The following PLEKHF2 variants were observed in gnomAD, a reference collection of about 807,000 sequenced individuals.
PLEKHF2 encodes pleckstrin homology and FYVE domain containing 2.
In PLEKHF2, 4 loss-of-function variants were observed where a neutral mutation model predicts 14.7. The observed-to-expected ratio is 0.27, with a 90% confidence interval of 0.13 to 0.62. The LOEUF (loss-of-function observed/expected upper bound fraction) is 0.62. Among genes scored for constraint, PLEKHF2 ranks in the 20% least tolerant of loss-of-function variants. PLEKHF2 has a pLI of 0.85. For missense variants in PLEKHF2, 201 were observed against 307.7 expected (o/e 0.65, Z 2.60); for synonymous variants, 90 against 103.5 (o/e 0.87, Z 0.79).
intron 1 of PLEKHF2, among the ~76,000 whole-genome samples, chr8:95,139,608 G>C (rs187298015): frequency 6.6e-6 from 1 of 152,164 alleles, no homozygotes; most frequent in African/African-American, 2.4e-5. Context: ...TTTCTTTTAT[G>C]ATGGCTTTTT....
intron 1 of PLEKHF2, among the ~76,000 whole-genome samples, chr8:95,138,454 C>A (rs1389622293): frequency 7.2e-6 from 1 of 138,616 alleles, no homozygotes; most frequent in African/African-American, 2.7e-5. Context: ...TTTTTGTGTT[C>A]TTTGCTCACA....
At chr8:95,138,113 C>G (rs1810396728) in intron 1 of PLEKHF2, among the ~76,000 whole-genome samples, 1 of 152,112 alleles carries the variant, frequency 6.6e-6, no homozygotes, top group Non-Finnish European at 1.5e-5. Context: ...ACACTCTCCC[C>G]CAAAGTCACG....
chr8:95,137,016 G>T (rs1382525991), intron 1 of PLEKHF2, among the ~76,000 whole-genome samples: 1 of 152,218 alleles, frequency 6.6e-6, no homozygotes, highest in Non-Finnish European at 1.5e-5. Context: ...CCTGAGAAGA[G>T]AATAAAAGGC....
intron 1 of PLEKHF2, among the ~76,000 whole-genome samples, chr8:95,144,785 G>A: frequency 1.3e-5 from 2 of 150,702 alleles, no homozygotes; most frequent in East Asian, 3.9e-4. Flanking sequence ...AATTGCTTGA[G>A]CTCGGGAGGC....
intron 1 of PLEKHF2, among the ~76,000 whole-genome samples, chr8:95,137,769 A>AC (rs1810391829): frequency 6.6e-6 from 1 of 152,148 alleles, no homozygotes; most frequent in South Asian, 2.1e-4. Flanking sequence ...AACTCCGGTG[A>AC]CCCCCACTGC....
intron 1 of PLEKHF2, among the ~76,000 whole-genome samples, chr8:95,141,725 A>G (rs1489236419): frequency 1.4e-5 from 2 of 139,842 alleles, no homozygotes; most frequent in South Asian, 2.2e-4. Flanking sequence ...TTTTTTTGGT[A>G]GAGACGGGGT....
chr8:95,150,027 A>G (rs990711623), intron 1 of PLEKHF2, among the ~76,000 whole-genome samples: 1 of 152,164 alleles, frequency 6.6e-6, no homozygotes, highest in Non-Finnish European at 1.5e-5. Flanking sequence ...ACCAAATGGT[A>G]GTGCCCTAAT....
At chr8:95,138,866 A>G (rs934510694) in intron 1 of PLEKHF2, among the ~76,000 whole-genome samples, 3 of 152,370 alleles carry the variant, frequency 2.0e-5, no homozygotes, top group South Asian at 4.1e-4. Flanking sequence ...AGACAAAGCT[A>G]CAGTGAACTT....
chr8:95,135,917 T>C (rs1810369623), intron 1 of PLEKHF2, among the ~76,000 whole-genome samples: 1 of 152,226 alleles, frequency 6.6e-6, no homozygotes, highest in Admixed American at 6.5e-5. Flanking sequence ...CGAGCTGATT[T>C]ACAGGTGATC....
intron 1 of PLEKHF2, among the ~76,000 whole-genome samples, chr8:95,142,957 C>G (rs1426787837): frequency 6.6e-6 from 1 of 152,122 alleles, no homozygotes; most frequent in African/African-American, 2.4e-5. Flanking sequence ...TGATTTTCAT[C>G]AAACTCAAGA....
intron 1 of PLEKHF2, among the ~76,000 whole-genome samples, chr8:95,145,479 A>C (rs911744493): frequency 2.1e-4 from 31 of 150,486 alleles, no homozygotes; most frequent in Non-Finnish European, 3.7e-4. Context: ...TTGCTCTGTC[A>C]CCGAGGCTCA....
At chr8:95,147,069 A>G (rs1265291224) in intron 1 of PLEKHF2, among the ~76,000 whole-genome samples, 2 of 152,090 alleles carry the variant, frequency 1.3e-5, no homozygotes, top group African/African-American at 4.8e-5. Flanking sequence ...CCTTGGGAGG[A>G]GATAACTATC....
chr8:95,143,266 A>AT (rs1184158838), intron 1 of PLEKHF2, among the ~76,000 whole-genome samples: 3 of 151,574 alleles, frequency 2.0e-5, no homozygotes, highest in African/African-American at 7.3e-5. Context: ...TGCCCGGCTA[A>AT]TTTTTTGTAT....
intron 1 of PLEKHF2, among the ~76,000 whole-genome samples, chr8:95,152,612 C>T (rs1810575368): frequency 6.6e-6 from 1 of 151,874 alleles, no homozygotes; most frequent in Admixed American, 6.6e-5. Flanking sequence ...CATATTAGTC[C>T]TAATTAGAAA....
intron 1 of PLEKHF2, among the ~76,000 whole-genome samples, chr8:95,136,374 A>G (rs1486753627): frequency 7.9e-6 from 1 of 126,960 alleles, no homozygotes; most frequent in Non-Finnish European, 1.6e-5. Context: ...ACACACACAC[A>G]TGTTTTGTTG....
chr8:95,136,181 G>A (rs921829606), intron 1 of PLEKHF2, among the ~76,000 whole-genome samples: 2 of 152,158 alleles, frequency 1.3e-5, no homozygotes, highest in African/African-American at 4.8e-5. Context: ...GAATGGATGA[G>A]TACACGTATG....
intron 1 of PLEKHF2, among the ~76,000 whole-genome samples, chr8:95,147,117 A>T (rs1025989471): frequency 1.3e-5 from 2 of 152,110 alleles, no homozygotes; most frequent in Non-Finnish European, 2.9e-5. Flanking sequence ...TGTTAATTCT[A>T]AAGTAATTTA....
Position 95,154,793 on chromosome 8 carries a change from A to G in PLEKHF2, c.749A>G (p.Ter250=). 6.2e-7 allele frequency: 1 copy of G among 1,613,204 alleles called. No homozygotes were observed. Among genetic ancestry groups the G allele is most frequent in the Non-Finnish European group, 8.5e-7 (1 of 1,179,166 alleles). ...DDDDDDDSSD[*] ...GATGACGATGATGATAGCAGTGACT[A>G]AGGACACATTTGGGAGTATTTAATC... Residue 250 remains the stop codon, a stop_retained_variant, in exon 2 of 2, where the codon TAA becomes TGA. Coordinates refer to ENST00000315367, the MANE Select transcript of PLEKHF2 (RefSeq NM_024613.4). The surrounding 1 kb of genome is among the most constrained non-coding windows in gnomAD (Gnocchi z 5.6).
At chr8:95,138,414 AT>A (rs1440352193) in intron 1 of PLEKHF2, among the ~76,000 whole-genome samples, 1 of 88,346 alleles carries the variant, frequency 1.1e-5, no homozygotes, top group African/African-American at 3.9e-5. Flanking sequence ...TACTTGTTTC[AT>A]TTAAACAACA....
Sources: gnomAD v4.1 joint callset for allele counts (sites outside exome capture counted in the v4.1 genomes callset) on GRCh38, gnomAD v4.1.1 for gene constraint, Gnocchi (gnomAD v3.1) non-coding constraint, MANE v1.5 for transcripts, NCBI Gene and HGNC (gene_info 2026-07-23, HGNC 2026-07-21) for gene names.